RET: variants seen among roughly 807,000 people sequenced by gnomAD.
RET encodes ret proto-oncogene, also known as proto-oncogene tyrosine-protein kinase receptor Ret.
RET carries 19 observed loss-of-function variants against 118.3 expected under a neutral mutation model. The observed-to-expected ratio is 0.16, with a 90% CI of 0.11 to 0.24. RET has a LOEUF of 0.24. Among genes scored for constraint, RET ranks in the 10% least tolerant of loss-of-function variants. RET has a pLI of 1.00. For synonymous variants in RET, 597 were observed against 644.1 expected (o/e 0.93, Z 1.11); for missense variants, 1,219 against 1,502.1 (o/e 0.81, Z 3.12).
At chr10:43,081,009 C>A (rs1284748073) in intron 1 of RET, among the ~76,000 whole-genome samples, 1 of 152,178 alleles carries the variant, frequency 6.6e-6, no homozygotes, top group Non-Finnish European at 1.5e-5. Flanking sequence ...TGTGTTTCCT[C>A]ATGCAGGACA....
intron 1 of RET, among the ~76,000 whole-genome samples, chr10:43,080,422 G>T (rs2132520788): frequency 6.6e-6 from 1 of 152,380 alleles, no homozygotes; most frequent in Middle Eastern, 3.4e-3. Flanking sequence ...CAACAAGTCT[G>T]CAAGGGTCAT....
intron 2 of RET, 25 bp downstream of exon 2, chr10:43,100,747 C>T (rs2132666252): frequency 6.4e-7 from 1 of 1,559,144 alleles, no homozygotes. Context: ...CCAACACCCA[C>T]CCCGTGCCCC....
In RET at chr10:43,126,720, A is replaced by C; in HGVS notation, c.3185A>C (p.Tyr1062Ser). The change falls in exon 19 of 20, where the codon TAT becomes TCT. Residue 1062 changes from tyrosine (Y) to serine (S), a missense_variant and splice_region_variant. Coordinates refer to ENST00000355710, the MANE Select transcript of RET (RefSeq NM_020975.6). ...LPSTWIENKL[Y>S]GMSDPNWPGE... ...TCCACATGGATTGAAAACAAACTCT[A>C]TGGTAGAATTTCCCATGCATTTACT... 6.2e-7 allele frequency: 1 copy of C among 1,613,830 alleles called. No individual in the cohort carries two copies.
chr10:43,127,743 G>A (rs1304037200), intron 19 of RET, among the ~76,000 whole-genome samples: 1 of 152,072 alleles, frequency 6.6e-6, no homozygotes. Context: ...CCTCCTTTAC[G>A]TTAGAGAATG....
chr10:43,093,228 G>A (rs750790408), intron 1 of RET, among the ~76,000 whole-genome samples: 1 of 152,060 alleles, frequency 6.6e-6, no homozygotes, highest in African/African-American at 2.4e-5. Flanking sequence ...TCCACAGAGG[G>A]TGCCATGATT....
rs2132902102 is a variant in RET, at chr10:43,116,578, A to C, written c.2137-6A>C. ...TCTTCTCCCCCTTCCCTCATTTCCA[A>C]CATAGGAGGATCCAAAGTGGGAATT... On this transcript the variant is annotated splice_polypyrimidine_tract_variant and splice_region_variant and intron_variant, in intron 11 of 19. Transcript: ENST00000355710. The C allele has an allele frequency of 1.9e-6, 3 of 1,602,958 alleles. No individual in the cohort carries two copies. Among genetic ancestry groups the C allele is most frequent in the African/African-American group, 2.7e-5 (2 of 74,362 alleles).
chr10:43,087,368 A>G (rs1263436920), intron 1 of RET, among the ~76,000 whole-genome samples: 2 of 152,216 alleles, frequency 1.3e-5, no homozygotes, highest in African/African-American at 4.8e-5. Flanking sequence ...TAAGTCTGGT[A>G]CTGAGGCCGC....
At chr10:43,116,788 G>T (rs895059997) in intron 12 of RET, 57 bp downstream of exon 12, 3 of 912,128 alleles carry the variant, frequency 3.3e-6, no homozygotes, top group Non-Finnish European at 3.5e-6. Context: ...CGGGGGGCGG[G>T]TGAGGCCCCT....
At chr10:43,082,877 G>T (rs1464724257) in intron 1 of RET, among the ~76,000 whole-genome samples, 2 of 152,246 alleles carry the variant, frequency 1.3e-5, no homozygotes, top group African/African-American at 2.4e-5. Flanking sequence ...AGCATGAGCT[G>T]GTGCAGTTCT....
Position 43,114,808 on chromosome 10 carries a change from G to A in RET, c.2136+72G>A, listed in dbSNP as rs1838034307. On this transcript the variant is annotated intron_variant, in intron 11 of 19. Transcript: ENST00000355710. This position sits in a 1 kb window ranked among gnomAD's most constrained non-coding sequence, Gnocchi z 4.6. Reference sequence around the variant, plus strand: ...GCCTTCCAGGGAGGGAGGCCAGCTGGGGAGACAGAGGCCATCCTGTGAGGG... The same window carrying A: ...GCCTTCCAGGGAGGGAGGCCAGCTGAGGAGACAGAGGCCATCCTGTGAGGG... 4.0e-6 allele frequency: 6 copies of A among 1,491,656 alleles called. No individual in the cohort carries two copies. Among genetic ancestry groups the A allele is most frequent in the Admixed American group, 4.2e-5 (2 of 47,478 alleles). 92.4% of individuals were successfully genotyped at this position (1,491,656 alleles called of 1,614,324 possible). A position where few individuals can be genotyped will look rare whatever the true frequency, so the allele number is the denominator to read the frequency against.
In RET at chr10:43,129,920, G is replaced by T. The variant is rs753913049; in HGVS notation, c.*1651G>T. Reference sequence around the variant, plus strand: ...AGACATGGTAAACTTTTGGTTTTCAGATATGCTTAATGATAGTCTTACTAA... The same window carrying T: ...AGACATGGTAAACTTTTGGTTTTCATATATGCTTAATGATAGTCTTACTAA... On this transcript the variant is annotated 3_prime_UTR_variant, in exon 20 of 20. Transcript: ENST00000355710. 2.5e-6 allele frequency: 1 copy of T among 398,984 alleles called. No homozygotes were observed. The highest frequency in any genetic ancestry group is 4.4e-6 in the Non-Finnish European group (1 of 226,058). 24.7% of individuals were successfully genotyped at this position (398,984 alleles called of 1,614,324 possible). A position where few individuals can be genotyped will look rare whatever the true frequency, so the allele number is the denominator to read the frequency against.
At position 43,100,782 on chromosome 10, in the gene RET, C is replaced by T. The variant is rs1000667184; in HGVS notation, c.337+60C>T. 12 of 1,515,232 alleles carry T rather than the reference C, an allele frequency of 7.9e-6. No individual in the cohort carries two copies. The East Asian group carries it at 1.2e-4, about 15-fold the overall frequency. The allele number at this position is 1,515,232 out of a possible 1,614,324, so 93.9% of individuals were successfully genotyped here. On this transcript the variant is annotated intron_variant, in intron 2 of 19. Coordinates refer to ENST00000355710, the MANE Select transcript of RET (RefSeq NM_020975.6). ...CACCCCACCCCTTCCTCAAGCCGCC[C>T]TTATCACAGCCGCTGACACTGAAGC...
intron 15 of RET, among the ~76,000 whole-genome samples, chr10:43,120,499 G>T (rs901294896): frequency 1.2e-4 from 18 of 152,212 alleles, no homozygotes; most frequent in African/African-American, 4.3e-4. Context: ...GGAACTAACA[G>T]TCCTCTTCTG....
chr10:43,077,449 GC>G (rs1265650328), intron 1 of RET, 118 bp downstream of exon 1: 37 of 1,275,940 alleles, frequency 2.9e-5, no homozygotes, highest in Non-Finnish European at 3.6e-5. Flanking sequence ...CTGTGCGGTC[GC>G]CGGCCACCCG....
At chr10:43,122,163 C>T in intron 16 of RET, 147 bp downstream of exon 16, 1 of 752,172 alleles carries the variant, frequency 1.3e-6, no homozygotes, top group Non-Finnish European at 2.4e-6. Context: ...TCTGCAATGA[C>T]CCCCTCACTG....
At chr10:43,079,403 A>C (rs936862579) in intron 1 of RET, among the ~76,000 whole-genome samples, 2 of 152,206 alleles carry the variant, frequency 1.3e-5, no homozygotes, top group African/African-American at 4.8e-5. Flanking sequence ...TGTCAGCCCC[A>C]GGTATGCTGG....
intron 15 of RET, 120 bp downstream of exon 15, chr10:43,120,323 T>TA (rs1838186754): frequency 1.5e-6 from 2 of 1,378,258 alleles, no homozygotes; most frequent in South Asian, 2.5e-5. Flanking sequence ...AAGCTTTTTA[T>TA]AGCCCTCACC....
At chr10:43,105,918 G>A (rs1837762505) in intron 4 of RET, among the ~76,000 whole-genome samples, 1 of 152,172 alleles carries the variant, frequency 6.6e-6, no homozygotes, top group African/African-American at 2.4e-5. Context: ...CCTCCAGCCT[G>A]GGGTAGGAGG....
rs1478882251 is a variant in RET at position 43,129,668 on chromosome 10, A to T, written c.*1399A>T. The T allele has an allele frequency of 3.3e-6, 1 of 299,154 alleles. No homozygotes were observed. Among genetic ancestry groups the T allele is most frequent in the African/African-American group, 2.1e-5 (1 of 47,102 alleles). The allele number at this position is 299,154 out of a possible 1,614,324, so 18.5% of individuals were successfully genotyped here. ...CAGACTTAAAGCACTGATAGGACTT[A>T]AAATAGTCTCATTCAAATACTGTAT... On this transcript the variant is annotated 3_prime_UTR_variant, in exon 20 of 20. Coordinates refer to ENST00000355710, the MANE Select transcript of RET (RefSeq NM_020975.6).
Sources: allele counts gnomAD v4.1 joint callset (sites outside exome capture counted in the v4.1 genomes callset), GRCh38; gene constraint gnomAD v4.1.1; non-coding constraint Gnocchi (gnomAD v3.1); transcripts MANE v1.5; gene names NCBI Gene and HGNC (gene_info 2026-07-23, HGNC 2026-07-21).